The following PXDNL variants were observed in gnomAD, a reference collection of about 807,000 sequenced individuals.
PXDNL encodes peroxidasin like.
Under a neutral mutation model 150.8 loss-of-function variants are expected in PXDNL, and 145 were observed. The ratio of observed to expected loss-of-function variants is 0.96; its 90% CI spans 0.84 to 1.10. PXDNL has a LOEUF of 1.10. Ranked by LOEUF, PXDNL falls within the 50% of genes least tolerant of loss-of-function variation. The pLI is 0.00. For missense variants in PXDNL, 2,087 were observed against 1,873.9 expected (o/e 1.11, Z -2.10); for synonymous variants, 757 against 725.7 (o/e 1.04, Z -0.69).
rs1392966848 is a variant in PXDNL at position 51,472,170 on chromosome 8, C to T, written c.812+17G>A. 6.6e-7 allele frequency: 1 copy of T among 1,512,590 alleles called. No individual in the cohort carries two copies. The highest frequency in any genetic ancestry group is 9.2e-7 in the Non-Finnish European group (1 of 1,088,912). The allele number at this position is 1,512,590 out of a possible 1,614,324, so 93.7% of individuals were successfully genotyped here. ...TCAGAAGGAGAATCACAACCCATGT[C>T]CATGCTCAGTATTTACTTGTTGTGT... is the stretch of plus-strand genomic sequence containing the variant. On this transcript the variant is annotated intron_variant, in intron 8 of 22. Coordinates refer to ENST00000356297, the MANE Select transcript of PXDNL (RefSeq NM_144651.5).
At chr8:51,749,610 A>G (rs2037022128) in intron 1 of PXDNL, among the ~76,000 whole-genome samples, 1 of 152,230 alleles carries the variant, frequency 6.6e-6, no homozygotes, top group Non-Finnish European at 1.5e-5. Flanking sequence ...TCAGTGATTG[A>G]GGGGTGAGTG....
chr8:51,503,450 T>A (rs1811227119), intron 4 of PXDNL, among the ~76,000 whole-genome samples: 1 of 152,194 alleles, frequency 6.6e-6, no homozygotes, highest in African/African-American at 2.4e-5. Context: ...ATGTTTTAGG[T>A]TATATGTGTT....
At chr8:51,504,234 C>T (rs1300319624) in intron 4 of PXDNL, among the ~76,000 whole-genome samples, 1 of 152,184 alleles carries the variant, frequency 6.6e-6, no homozygotes, top group Non-Finnish European at 1.5e-5. Flanking sequence ...CTGGTCTACC[C>T]TCAATAGAAA....
At chr8:51,640,277 C>G (rs1238558014) in intron 2 of PXDNL, among the ~76,000 whole-genome samples, 1 of 152,134 alleles carries the variant, frequency 6.6e-6, no homozygotes, top group East Asian at 1.9e-4. Context: ...GGAAGCATTC[C>G]CTTTGAAAAC....
At chr8:51,747,033 T>A (rs4346984) in intron 1 of PXDNL, among the ~76,000 whole-genome samples, 145,971 of 152,348 alleles carry the variant, frequency 0.96, 70,248 homozygotes, top group East Asian at 1. Context: ...AATGTGCTGT[T>A]TTTACAGTTA....
intron 19 of PXDNL, among the ~76,000 whole-genome samples, chr8:51,371,417 T>A (rs10096359): frequency 0.049 from 7,512 of 152,230 alleles, 594 homozygotes; most frequent in African/African-American, 0.17. Flanking sequence ...TTAGGGAAAG[T>A]TTTTCCTGAC....
At chr8:51,540,053 C>T (rs1328752117) in intron 4 of PXDNL, among the ~76,000 whole-genome samples, 1 of 151,946 alleles carries the variant, frequency 6.6e-6, no homozygotes, top group Non-Finnish European at 1.5e-5. Flanking sequence ...TGCACACCAC[C>T]ATGACATCTA....
intron 8 of PXDNL, among the ~76,000 whole-genome samples, chr8:51,466,244 G>A (rs113608912): frequency 0.042 from 6,353 of 151,982 alleles, 421 homozygotes; most frequent in African/African-American, 0.14. Context: ...AAATAAAACT[G>A]CACCTCTACA....
At chr8:51,654,996 T>C (rs1323431200) in intron 1 of PXDNL, among the ~76,000 whole-genome samples, 1 of 152,226 alleles carries the variant, frequency 6.6e-6, no homozygotes, top group Non-Finnish European at 1.5e-5. Context: ...CAGACAAATG[T>C]GGCTATTTAT....
At chr8:51,602,820 CTTTA>C (rs1367255078) in intron 2 of PXDNL, among the ~76,000 whole-genome samples, 3 of 151,126 alleles carry the variant, frequency 2.0e-5, no homozygotes, top group African/African-American at 4.8e-5. Context: ...TTTTAGCTTT[CTTTA>C]TTGTTTTTAT....
At chr8:51,440,958 T>G (rs1261223827) in intron 12 of PXDNL, among the ~76,000 whole-genome samples, 2 of 152,200 alleles carry the variant, frequency 1.3e-5, no homozygotes, top group Admixed American at 1.3e-4. Context: ...CCCATGTTTT[T>G]GGGCAGTGCA....
chr8:51,620,136 C>A (rs1475451798), intron 2 of PXDNL, among the ~76,000 whole-genome samples: 1 of 152,020 alleles, frequency 6.6e-6, no homozygotes, highest in African/African-American at 2.4e-5. Flanking sequence ...TAAAAGAACA[C>A]CTGAAAATAT....
At chr8:51,571,514 C>A (rs973609886) in intron 3 of PXDNL, among the ~76,000 whole-genome samples, 1 of 151,716 alleles carries the variant, frequency 6.6e-6, no homozygotes, top group African/African-American at 2.4e-5. Context: ...AAAAATAAGG[C>A]TTAAGCTAAA....
intron 2 of PXDNL, 89 bp from the exon 3 acceptor site, chr8:51,592,787 A>T: frequency 1.4e-5 from 12 of 840,656 alleles, no homozygotes; most frequent in Non-Finnish European, 2.1e-5. Context: ...AGTGCTTTAC[A>T]CAACAGAAAA....
chr8:51,474,838 A>T (rs1420498618), intron 7 of PXDNL, 134 bp downstream of exon 7: 4 of 689,284 alleles, frequency 5.8e-6, no homozygotes, highest in Non-Finnish European at 8.6e-6. Flanking sequence ...AATTGGCCAT[A>T]CTTTTACCAC....
chr8:51,397,281 G>A (rs1808110961), intron 17 of PXDNL, among the ~76,000 whole-genome samples: 1 of 152,128 alleles, frequency 6.6e-6, no homozygotes, highest in African/African-American at 2.4e-5. Flanking sequence ...TTACAATTAT[G>A]ACCAAATTAT....
At chr8:51,388,228 T>C (rs1807782786) in intron 17 of PXDNL, among the ~76,000 whole-genome samples, 1 of 152,166 alleles carries the variant, frequency 6.6e-6, no homozygotes, top group Admixed American at 6.5e-5. Flanking sequence ...GAAGACCAAA[T>C]AGAAAATTAT....
intron 21 of PXDNL, among the ~76,000 whole-genome samples, chr8:51,325,540 G>A (rs555205955): frequency 2.6e-5 from 4 of 152,190 alleles, no homozygotes; most frequent in South Asian, 2.1e-4. Flanking sequence ...GACTTCTCCC[G>A]ACATGGCCTC....
intron 1 of PXDNL, among the ~76,000 whole-genome samples, chr8:51,775,825 A>G (rs1315303641): frequency 6.6e-6 from 1 of 152,246 alleles, no homozygotes; most frequent in Admixed American, 6.5e-5. Context: ...GATAACAGCG[A>G]TGTTCAGGGA....
Sources: gnomAD v4.1 joint callset for allele counts (sites outside exome capture counted in the v4.1 genomes callset) on GRCh38, gnomAD v4.1.1 for gene constraint, MANE v1.5 for transcripts, NCBI Gene and HGNC (gene_info 2026-07-23, HGNC 2026-07-21) for gene names.